TBC1D24: variants seen among roughly 807,000 people sequenced by gnomAD.
TBC1D24 encodes TBC1 domain family member 24.
A neutral mutation model predicts 50.7 loss-of-function variants in TBC1D24; 47 were observed. The ratio of observed to expected loss-of-function variants is 0.93; its 90% confidence interval spans 0.73 to 1.18. TBC1D24 has a LOEUF of 1.18. Ranked by LOEUF, TBC1D24 falls within the 50% of genes most tolerant of loss-of-function variation. TBC1D24 has a pLI of 0.00. For synonymous variants in TBC1D24, 324 were observed against 335.2 expected (o/e 0.97, Z 0.36); for missense variants, 688 against 766.5 (o/e 0.90, Z 1.21).
rs759453197 is a variant in TBC1D24 at position 2,499,923 on chromosome 16, T to G, written c.1295T>G (p.Val432Gly). The change falls in exon 6 of 8, where the codon GTG becomes GGG. Residue 432 changes from valine (V) to glycine (G), a missense_variant. Val to Gly is a moderately radical substitution (Grantham distance 109). Transcript: ENST00000646147. This position sits in a 1 kb window ranked among gnomAD's most constrained non-coding sequence, Gnocchi z 4.0. ...LGFFGTGECF[V>G]FRLQPEVQRY... ...TTCTTTGGGACCGGAGAATGCTTTG[T>G]GTTTAGGGTGAGTGGGGCCAAGTGT... 1 of 1,613,998 alleles carries G rather than the reference T, an allele frequency of 6.2e-7. No individual in the cohort carries two copies. Among genetic ancestry groups the G allele is most frequent in the South Asian group, 1.1e-5 (1 of 91,088 alleles).
chr16:2,503,110 A>G lies in TBC1D24; in HGVS notation c.*2152A>G, dbSNP rs2141880727. On this transcript the variant is annotated 3_prime_UTR_variant, in exon 8 of 8. Coordinates refer to ENST00000646147, the MANE Select transcript of TBC1D24 (RefSeq NM_001199107.2). ...GTGATTTTTCTGGCGAGTTAAGTCC[A>G]GCAGGTTCTGCGTGGCTGCCCCCAG... 6.6e-6 allele frequency: 1 copy of G among 152,358 alleles called. No individual in the cohort carries two copies. Among genetic ancestry groups the G allele is most frequent in the East Asian group, 1.9e-4 (1 of 5,188 alleles). The allele number at this position is 152,358 out of a possible 1,614,324, so 9.4% of individuals were successfully genotyped here.
In TBC1D24 at chr16:2,502,456, C is replaced by T. The variant is rs2065802070; in HGVS notation, c.*1498C>T. 1 of 152,410 alleles carries T rather than the reference C, an allele frequency of 6.6e-6. No individual in the cohort carries two copies. Among genetic ancestry groups the T allele is most frequent in the African/African-American group, 2.4e-5 (1 of 41,376 alleles). The allele number at this position is 152,410 out of a possible 1,614,324, so 9.4% of individuals were successfully genotyped here. ...CCTCCAGCCAGTGCCACTTGGAGTC[C>T]CCTGCACCGTGCCACTTTCCATCCC... On this transcript the variant is annotated 3_prime_UTR_variant, in exon 8 of 8. Coordinates refer to ENST00000646147, the MANE Select transcript of TBC1D24 (RefSeq NM_001199107.2).
In TBC1D24 at chr16:2,475,488, G is replaced by A. The variant is rs2141848223; in HGVS notation, c.-116+318G>A. 1.3e-5 allele frequency among the ~76,000 whole-genome samples: 2 copies of A among 152,108 alleles called. No individual in the cohort carries two copies. The highest frequency in any genetic ancestry group is 3.9e-4 in the East Asian group (2 of 5,152). ...TGGTGTCGTCTGGAAGAGTGACTGT[G>A]TCACTGTTTCCTTGGGGCGCTTTCC... On this transcript the variant is annotated intron_variant, in intron 1 of 7. Transcript: ENST00000646147. This position sits in a 1 kb window ranked among gnomAD's most constrained non-coding sequence, Gnocchi z 4.2.
At position 2,499,711 on chromosome 16, in the gene TBC1D24, G is replaced by T. The variant is rs1446431612; in HGVS notation, c.1207-124G>T. 1 of 882,596 alleles carries T rather than the reference G, an allele frequency of 1.1e-6. No individual in the cohort carries two copies. The highest frequency in any genetic ancestry group is 1.9e-6 in the Non-Finnish European group (1 of 517,526). 54.7% of individuals were successfully genotyped at this position (882,596 alleles called of 1,614,324 possible). On this transcript the variant is annotated intron_variant, in intron 5 of 7. Transcript: ENST00000646147. The surrounding 1 kb of genome is among the most constrained non-coding windows in gnomAD (Gnocchi z 4.0). ...TCCCACACCACTCCTGCCCTGGGGT[G>T]GGGGTGGGAGACGGCAATGCCTGCA...
Position 2,487,684 on chromosome 16 carries a change from TGGAGTTTGGTGC to T in TBC1D24, c.-115-8349_-115-8338del, listed in dbSNP as rs1310026416. Reference sequence around the variant, plus strand: ...GGAGTTTGGTGCTGGAGTTTGGTGCTGGAGTTTGGTGCTGGAGTTTGGTGTTGGAGTTTGGTG... The same window carrying T: ...GGAGTTTGGTGCTGGAGTTTGGTGCTTGGAGTTTGGTGTTGGAGTTTGGTG... On this transcript the variant is annotated intron_variant, in intron 1 of 7. Transcript: ENST00000646147. The surrounding 1 kb of genome is among the most constrained non-coding windows in gnomAD (Gnocchi z 4.1). Among the ~76,000 whole-genome samples, 27 of 152,196 alleles carry T rather than the reference TGGAGTTTGGTGC, an allele frequency of 1.8e-4. No individual in the cohort carries two copies. In the East Asian group the frequency reaches 4.6e-3, roughly 26 times the overall value.
rs151002471 is a variant in TBC1D24 at position 2,486,364 on chromosome 16, G to T, written c.-115-9670G>T. 6.6e-6 allele frequency among the ~76,000 whole-genome samples: 1 copy of T among 152,360 alleles called. No individual in the cohort carries two copies. Among genetic ancestry groups the T allele is most frequent in the African/African-American group, 2.4e-5 (1 of 41,584 alleles). ...CCAGGAAATGGTGAGGGATTGCTCA[G>T]ACCAGATGGGAAGAAGTGAGACGAG... On this transcript the variant is annotated intron_variant, in intron 1 of 7. Coordinates refer to ENST00000646147, the MANE Select transcript of TBC1D24 (RefSeq NM_001199107.2). This position sits in a 1 kb window ranked among gnomAD's most constrained non-coding sequence, Gnocchi z 5.8.
intron 1 of TBC1D24, among the ~76,000 whole-genome samples, chr16:2,494,282 G>A (rs1240111542): frequency 6.6e-6 from 1 of 151,990 alleles, no homozygotes; most frequent in Non-Finnish European, 1.5e-5. Context: ...TGTGGTGGCG[G>A]GTGCCTGTAG....
Position 2,498,224 on chromosome 16 carries a change from C to T in TBC1D24, c.984-14C>T. 1 of 1,596,358 alleles carries T rather than the reference C, an allele frequency of 6.3e-7. No individual in the cohort carries two copies. The highest frequency in any genetic ancestry group is 8.5e-7 in the Non-Finnish European group (1 of 1,170,892). On this transcript the variant is annotated splice_polypyrimidine_tract_variant and intron_variant, in intron 3 of 7. Transcript: ENST00000646147. ...ACGTGCCTTCGGGCTCTGACCCCTG[C>T]TCGCTCCCCTCAGGCAGTTTGTACA...
At position 2,499,997 on chromosome 16, in the gene TBC1D24, C is replaced by T. The variant is rs2065777701; in HGVS notation, c.1302+67C>T. The T allele has an allele frequency of 2.2e-5, 32 of 1,424,132 alleles. No homozygotes were observed. The highest frequency in any genetic ancestry group is 4.6e-5 in the South Asian group (4 of 87,298). The allele number at this position is 1,424,132 out of a possible 1,614,324, so 88.2% of individuals were successfully genotyped here. ...GTAGCTGCATCCCTCCAGGAGCACC[C>T]GCCTGCCCTGGGGACACTGTTGGGT... On this transcript the variant is annotated intron_variant, in intron 6 of 7. Coordinates refer to ENST00000646147, the MANE Select transcript of TBC1D24 (RefSeq NM_001199107.2). The surrounding 1 kb of genome is among the most constrained non-coding windows in gnomAD (Gnocchi z 4.0).
intron 1 of TBC1D24, among the ~76,000 whole-genome samples, chr16:2,492,365 A>G (rs1296694188): frequency 6.6e-6 from 1 of 152,086 alleles, no homozygotes; most frequent in Non-Finnish European, 1.5e-5. Flanking sequence ...TCCCTAAGGG[A>G]ACTTCGCAAG....
rs770787878 is a variant in TBC1D24, at chr16:2,496,545, G to A, written c.397G>A (p.Ala133Thr). ...NQFPDISFCP[A>T]LPAVVALLLH... Reference sequence around the variant, plus strand: ...GTTCCCCGACATCTCCTTCTGCCCCGCCCTGCCGGCCGTGGTGGCCCTGCT... The same window carrying A: ...GTTCCCCGACATCTCCTTCTGCCCCACCCTGCCGGCCGTGGTGGCCCTGCT... Residue 133 changes from alanine (A) to threonine (T), a missense_variant, in exon 2 of 8, where the codon GCC becomes ACC. Ala to Thr is a moderately conservative substitution (Grantham distance 58). Transcript: ENST00000646147. 8.1e-6 allele frequency: 13 copies of A among 1,608,208 alleles called. No homozygotes were observed. The highest frequency in any genetic ancestry group is 5.3e-5 in the African/African-American group (4 of 74,942).
intron 1 of TBC1D24, 74 bp from the exon 2 acceptor site, chr16:2,495,960 C>A (rs1952069353): frequency 1.3e-6 from 1 of 757,978 alleles, no homozygotes. Flanking sequence ...AACTACACCA[C>A]ATTTGAAAAA....
At chr16:2,489,331 C>T (rs922278468) in intron 1 of TBC1D24, among the ~76,000 whole-genome samples, 1 of 151,944 alleles carries the variant, frequency 6.6e-6, no homozygotes, top group Admixed American at 6.6e-5. Context: ...ACTCGGGAGG[C>T]TGAGGCAGGA....
rs2065737005 is a variant in TBC1D24 at position 2,496,296 on chromosome 16, C to T, written c.148C>T (p.Leu50=). 1 of 1,613,640 alleles carries T rather than the reference C, an allele frequency of 6.2e-7. No homozygotes were observed. Among genetic ancestry groups the T allele is most frequent in the South Asian group, 1.1e-5 (1 of 91,092 alleles). The stretch of plus-strand genomic sequence containing the variant: ...GGGCTACTGGGCCCAAAGCCACGCC[C>T]TGCGGGGAAAGGTGTACCAGCGCCT... ...RQGYWAQSHA[L]RGKVYQRLIR... is the part of the protein sequence containing the mutation. The change falls in exon 2 of 8, where the codon CTG becomes TTG. Residue 50 remains leucine, a synonymous_variant. Transcript: ENST00000646147.
At chr16:2,490,074 C>T (rs2065683495) in intron 1 of TBC1D24, among the ~76,000 whole-genome samples, 1 of 152,228 alleles carries the variant, frequency 6.6e-6, no homozygotes, top group Non-Finnish European at 1.5e-5. Flanking sequence ...TCTCACTCCT[C>T]TGGCTCAATG....
rs1435916279 is a variant in TBC1D24 at position 2,487,251 on chromosome 16, G to C, written c.-115-8783G>C. 1.3e-5 allele frequency among the ~76,000 whole-genome samples: 2 copies of C among 152,198 alleles called. No homozygotes were observed. Among genetic ancestry groups the C allele is most frequent in the Non-Finnish European group, 2.9e-5 (2 of 68,032 alleles). ...GTGGGGTTCCCCTAGCACTTCCCCA[G>C]CTGCCGTGGTTGACAGCCTTCTCTC... On this transcript the variant is annotated intron_variant, in intron 1 of 7. Coordinates refer to ENST00000646147, the MANE Select transcript of TBC1D24 (RefSeq NM_001199107.2). This position sits in a 1 kb window ranked among gnomAD's most constrained non-coding sequence, Gnocchi z 4.1.
At chr16:2,498,449 T>G in intron 4 of TBC1D24, 53 bp downstream of exon 4, 1 of 1,531,746 alleles carries the variant, frequency 6.5e-7, no homozygotes, top group South Asian at 1.2e-5. Context: ...CCACGTGTCC[T>G]GCCCACAGAG....
At position 2,497,744 on chromosome 16, in the gene TBC1D24, A is replaced by G. The variant is rs1465858082; in HGVS notation, c.983+17A>G. ...TTCTAAAAGGTAGGTCTGAAACTGT[A>G]TCTGCACACCTGGCCTCTGTCTTTC... is the stretch of plus-strand genomic sequence containing the variant. On this transcript the variant is annotated intron_variant, in intron 3 of 7. Coordinates refer to ENST00000646147, the MANE Select transcript of TBC1D24 (RefSeq NM_001199107.2). 3 of 1,535,884 alleles carry G rather than the reference A, an allele frequency of 2.0e-6. No homozygotes were observed. The highest frequency in any genetic ancestry group is 1.7e-6 in the Non-Finnish European group (2 of 1,146,702).
At chr16:2,493,288 G>A (rs867061449) in intron 1 of TBC1D24, among the ~76,000 whole-genome samples, 1 of 151,534 alleles carries the variant, frequency 6.6e-6, no homozygotes, top group African/African-American at 2.4e-5. Context: ...ACAGGCTCCC[G>A]CAACCACGCC....
Sources: gnomAD v4.1 joint callset for allele counts (sites outside exome capture counted in the v4.1 genomes callset) on GRCh38, gnomAD v4.1.1 for gene constraint, Gnocchi (gnomAD v3.1) non-coding constraint, MANE v1.5 for transcripts, NCBI Gene and HGNC (gene_info 2026-07-23, HGNC 2026-07-21) for gene names.